Variants in ARHGEF7 observed in about 807,000 individuals in gnomAD.
The protein encoded by ARHGEF7 is PAK-interacting exchange factor beta.
Under a neutral mutation model 109.8 loss-of-function variants are expected in ARHGEF7, and 33 were observed. The ratio of observed to expected loss-of-function variants is 0.30; its 90% CI spans 0.23 to 0.40. ARHGEF7 has a LOEUF of 0.40. ARHGEF7 is among the 10% of genes least tolerant of loss of function. The pLI, the probability that ARHGEF7 is intolerant of heterozygous loss-of-function variation, is 1.00. For synonymous variants in ARHGEF7, 458 were observed against 424.6 expected (o/e 1.08, Z -0.97); for missense variants, 938 against 1,098.5 (o/e 0.85, Z 2.07).
chr13:111,230,017 G>T (rs1235861489), intron 5 of ARHGEF7, among the ~76,000 whole-genome samples: 8 of 152,166 alleles, frequency 5.3e-5, no homozygotes, highest in Non-Finnish European at 8.8e-5. Context: ...TTCTTCCTGC[G>T]TTGGGTGTAG....
intron 8 of ARHGEF7, among the ~76,000 whole-genome samples, chr13:111,260,791 A>T (rs2091005276): frequency 1.3e-5 from 2 of 152,244 alleles, no homozygotes; most frequent in South Asian, 4.1e-4. Context: ...ACAAGTTTTC[A>T]AGACAGTACA....
chr13:111,232,747 A>T (rs1327072303), intron 5 of ARHGEF7, among the ~76,000 whole-genome samples: 2 of 152,096 alleles, frequency 1.3e-5, no homozygotes, highest in Non-Finnish European at 2.9e-5. Context: ...GGTTATTTCA[A>T]GCCCTGAGCC....
intron 1 of ARHGEF7, among the ~76,000 whole-genome samples, chr13:111,138,618 G>A (rs1264601684): frequency 6.6e-6 from 1 of 152,166 alleles, no homozygotes; most frequent in Non-Finnish European, 1.5e-5. Flanking sequence ...AATTGAGGAT[G>A]CCCTTGTTTT....
chr13:111,234,305 C>G (rs1026124228), intron 6 of ARHGEF7, among the ~76,000 whole-genome samples: 1 of 152,192 alleles, frequency 6.6e-6, no homozygotes, highest in Admixed American at 6.5e-5. Flanking sequence ...GCTGTGCCAC[C>G]GTCTTGTGCT....
chr13:111,218,629 G>C (rs2083434025), intron 5 of ARHGEF7, among the ~76,000 whole-genome samples: 1 of 152,116 alleles, frequency 6.6e-6, no homozygotes, highest in Admixed American at 6.5e-5. Flanking sequence ...TACACAGGGA[G>C]CTGTGGAAAG....
At chr13:111,292,647 A>T (rs1020259666) in intron 19 of ARHGEF7, 1 of 1,138,840 alleles carries the variant, frequency 8.8e-7, no homozygotes, top group East Asian at 5.6e-5. Context: ...TTCTTTCTGG[A>T]TACAGCTGTA....
At chr13:111,215,888 G>C (rs1409440349) in intron 4 of ARHGEF7, among the ~76,000 whole-genome samples, 1 of 151,694 alleles carries the variant, frequency 6.6e-6, no homozygotes, top group African/African-American at 2.4e-5. Context: ...GATCTCCTCT[G>C]CCTCTTTCTT....
intron 6 of ARHGEF7, among the ~76,000 whole-genome samples, chr13:111,242,984 A>C (rs115098154): frequency 6.6e-6 from 1 of 152,188 alleles, no homozygotes; most frequent in Admixed American, 6.5e-5. Context: ...AGTTTTTAAG[A>C]CTTAAATTAT....
At chr13:111,261,755 A>G (rs1384413377) in intron 8 of ARHGEF7, among the ~76,000 whole-genome samples, 2 of 152,256 alleles carry the variant, frequency 1.3e-5, no homozygotes, top group African/African-American at 4.8e-5. Context: ...TTAAAAAAAT[A>G]TAATTTTATC....
chr13:111,187,040 A>T (rs947514140), intron 2 of ARHGEF7: 1 of 984,762 alleles, frequency 1.0e-6, no homozygotes, highest in South Asian at 4.7e-5. Context: ...TGGTGTGGGT[A>T]TTGGGAGGGT....
intron 12 of ARHGEF7, among the ~76,000 whole-genome samples, chr13:111,276,644 T>C (rs974852854): frequency 5.3e-5 from 8 of 152,246 alleles, no homozygotes; most frequent in African/African-American, 1.9e-4. Context: ...AGATTCTTTA[T>C]GATAGAGCTC....
intron 1 of ARHGEF7, among the ~76,000 whole-genome samples, chr13:111,137,168 A>G (rs1466079388): frequency 1.3e-5 from 2 of 152,258 alleles, no homozygotes; most frequent in Admixed American, 6.5e-5. Context: ...CCAGAGGTAC[A>G]AGGAGGAGCT....
chr13:111,231,411 A>G (rs1437261524), intron 5 of ARHGEF7, among the ~76,000 whole-genome samples: 2 of 150,588 alleles, frequency 1.3e-5, no homozygotes, highest in Admixed American at 6.6e-5. Flanking sequence ...TGCAACTTGC[A>G]GCGGCACCTT....
intron 6 of ARHGEF7, among the ~76,000 whole-genome samples, chr13:111,242,494 T>C (rs905898430): frequency 1.3e-5 from 2 of 152,258 alleles, no homozygotes; most frequent in Non-Finnish European, 2.9e-5. Context: ...TAAGTGAGAA[T>C]GTATTGTTAG....
At chr13:111,295,776 G>A (rs2093414303) in intron 19 of ARHGEF7, among the ~76,000 whole-genome samples, 1 of 152,166 alleles carries the variant, frequency 6.6e-6, no homozygotes, top group Admixed American at 6.5e-5. Flanking sequence ...TTACTAAATC[G>A]TTTTTAAGTG....
intron 8 of ARHGEF7, among the ~76,000 whole-genome samples, chr13:111,247,124 T>C: frequency 6.6e-6 from 1 of 152,246 alleles, no homozygotes; most frequent in Admixed American, 6.5e-5. Context: ...CTTTCTCAGC[T>C]ATTTCTCTTC....
intron 8 of ARHGEF7, among the ~76,000 whole-genome samples, chr13:111,262,797 G>T (rs61198197): frequency 0.022 from 3,355 of 152,284 alleles, 127 homozygotes; most frequent in African/African-American, 0.077. Context: ...GATGTAGATG[G>T]TATGTGTGAC....
At chr13:111,219,840 C>G (rs1019994158) in intron 5 of ARHGEF7, among the ~76,000 whole-genome samples, 16 of 152,114 alleles carry the variant, frequency 1.1e-4, no homozygotes, top group African/African-American at 3.9e-4. Flanking sequence ...TTCAGTTCTC[C>G]TCATAACCCT....
rs1390588440 is a variant in ARHGEF7 at position 111,228,758 on chromosome 13, T to C, written c.671-4447T>C. On this transcript the variant is annotated intron_variant, in intron 5 of 21. Transcript: ENST00000646102. This position sits in a 1 kb window ranked among gnomAD's most constrained non-coding sequence, Gnocchi z 4.6. ...AGACATTGACTCTGTGAACTCTGAG[T>C]GCGTGAGTAACAGCCAACAAACCAC... Among the ~76,000 whole-genome samples, 4 of 151,778 alleles carry C rather than the reference T, an allele frequency of 2.6e-5. No homozygotes were observed. In the East Asian group the frequency reaches 7.8e-4, roughly 30 times the overall value.
Sources: gnomAD v4.1 joint callset for allele counts (sites outside exome capture counted in the v4.1 genomes callset) on GRCh38, gnomAD v4.1.1 for gene constraint, Gnocchi (gnomAD v3.1) non-coding constraint, MANE v1.5 for transcripts, NCBI Gene and HGNC (gene_info 2026-07-23, HGNC 2026-07-21) for gene names.